Variants in SNX30 observed in about 807,000 individuals in gnomAD.
The protein encoded by SNX30 is sorting nexin-30.
Under a neutral mutation model 46.4 loss-of-function variants are expected in SNX30, and 24 were observed. The observed-to-expected ratio is 0.52, with a 90% CI of 0.37 to 0.73. The LOEUF (loss-of-function observed/expected upper bound fraction) is 0.73, where lower values mean the gene tolerates loss of function less well. SNX30 is among the 30% of genes least tolerant of loss of function. The probability of loss-of-function intolerance (pLI) is 0.00; values close to 1 mark genes in which losing one functional copy is unlikely to be tolerated. For synonymous variants in SNX30, 189 were observed against 211.5 expected (o/e 0.89, Z 0.92); for missense variants, 533 against 555.7 (o/e 0.96, Z 0.41).
chr9:112,849,348 T>TAAC (rs1477051692), intron 6 of SNX30, among the ~76,000 whole-genome samples: 2 of 152,238 alleles, frequency 1.3e-5, no homozygotes, highest in African/African-American at 4.8e-5. Flanking sequence ...TTCAAATGAG[T>TAAC]AACATTGAAT....
chr9:112,797,602 T>A (rs1840127030), intron 1 of SNX30, among the ~76,000 whole-genome samples: 1 of 152,068 alleles, frequency 6.6e-6, no homozygotes, highest in Non-Finnish European at 1.5e-5. Context: ...TCCCTAAATA[T>A]CTCAAAATCT....
chr9:112,865,486 C>T (rs868442258), intron 8 of SNX30, among the ~76,000 whole-genome samples: 2 of 151,420 alleles, frequency 1.3e-5, no homozygotes, highest in African/African-American at 4.9e-5. Flanking sequence ...GGTGTGGTGG[C>T]GTGTGCCTAT....
chr9:112,857,361 T>A (rs1841150709), intron 7 of SNX30, among the ~76,000 whole-genome samples: 1 of 152,230 alleles, frequency 6.6e-6, no homozygotes, highest in South Asian at 2.1e-4. Context: ...AGTGTTTTCT[T>A]ACCTGTTTTC....
intron 1 of SNX30, among the ~76,000 whole-genome samples, chr9:112,779,484 G>A (rs1588113517): frequency 6.6e-6 from 1 of 152,116 alleles, no homozygotes; most frequent in African/African-American, 2.4e-5. Context: ...ATCACTTGAG[G>A]TCAGGAGTTT....
At chr9:112,835,018 G>A (rs576629375) in intron 4 of SNX30, among the ~76,000 whole-genome samples, 37 of 152,152 alleles carry the variant, frequency 2.4e-4, no homozygotes, top group East Asian at 5.8e-4. Context: ...CATCAAATGC[G>A]GAGGGGCTGT....
chr9:112,776,406 G>T (rs1435359095), intron 1 of SNX30, among the ~76,000 whole-genome samples: 1 of 152,130 alleles, frequency 6.6e-6, no homozygotes, highest in Non-Finnish European at 1.5e-5. Flanking sequence ...TTTGTTTAGT[G>T]TTCCCATGTT....
intron 2 of SNX30, among the ~76,000 whole-genome samples, chr9:112,814,990 T>A (rs1284759257): frequency 6.6e-6 from 1 of 152,212 alleles, no homozygotes; most frequent in Non-Finnish European, 1.5e-5. Context: ...CAGAAAGATG[T>A]CCAAGATGTG....
chr9:112,857,073 C>T (rs1689444883), intron 7 of SNX30, among the ~76,000 whole-genome samples: 1 of 152,208 alleles, frequency 6.6e-6, no homozygotes, highest in African/African-American at 2.4e-5. Context: ...GCTGTGCTCC[C>T]TGAGGGGGCG....
intron 1 of SNX30, among the ~76,000 whole-genome samples, chr9:112,794,692 T>C (rs1840081873): frequency 6.6e-6 from 1 of 152,234 alleles, no homozygotes; most frequent in Admixed American, 6.5e-5. Context: ...TATTGGCTCC[T>C]AGTCTATACC....
intron 7 of SNX30, among the ~76,000 whole-genome samples, chr9:112,853,674 C>T (rs577642051): frequency 4.6e-5 from 7 of 152,244 alleles, no homozygotes; most frequent in South Asian, 4.1e-4. Flanking sequence ...AAGTTGAAGT[C>T]ATAGAAACAG....
chr9:112,849,812 G>A (rs757850471), intron 6 of SNX30, among the ~76,000 whole-genome samples: 10 of 152,190 alleles, frequency 6.6e-5, no homozygotes, highest in Non-Finnish European at 1.3e-4. Context: ...CTGCTGGAAG[G>A]TCCCCTGTGG....
At chr9:112,777,273 G>T (rs1204307177) in intron 1 of SNX30, among the ~76,000 whole-genome samples, 5 of 151,930 alleles carry the variant, frequency 3.3e-5, no homozygotes, top group African/African-American at 1.2e-4. Flanking sequence ...TTGGAACTTG[G>T]AGTGACACAA....
chr9:112,836,576 A>C (rs533769634), intron 5 of SNX30, among the ~76,000 whole-genome samples, 167 bp downstream of exon 5: 1 of 152,302 alleles, frequency 6.6e-6, no homozygotes, highest in South Asian at 2.1e-4. Context: ...TGTGACTGGA[A>C]TGTCACTTTG....
At chr9:112,777,266 G>A (rs1319428718) in intron 1 of SNX30, among the ~76,000 whole-genome samples, 1 of 151,830 alleles carries the variant, frequency 6.6e-6, no homozygotes, top group African/African-American at 2.4e-5. Context: ...CATTCCCTTG[G>A]AACTTGGAGT....
At chr9:112,805,111 A>G (rs980592173) in intron 2 of SNX30, 144 bp downstream of exon 2, 4 of 484,182 alleles carry the variant, frequency 8.3e-6, no homozygotes, top group African/African-American at 5.9e-5. Flanking sequence ...TCTTGAGAGA[A>G]TAGATGTAAT....
chr9:112,850,930 G>C lies in SNX30; in HGVS notation c.1086G>C (p.Lys362Asn). ...EAKLEAVALR[K>N]EDRPKVPADV... ...AACTGGAAGCTGTGGCTCTGCGGAA[G>C]GAAGACCGCCCCAAGGTCAGGGAAG... Residue 362 changes from lysine (K) to asparagine (N), a missense_variant, in exon 7 of 9, where the codon AAG becomes AAC. By Grantham distance (94) the Lys-to-Asn change is moderately conservative (BLOSUM62 0). Around this residue, in one of 3 missense-constraint regions of SNX30, gnomAD observed 261 missense variants for 270.9 expected, o/e 0.96. Coordinates refer to ENST00000374232, the MANE Select transcript of SNX30 (RefSeq NM_001012994.2). The C allele has an allele frequency of 6.2e-7, 1 of 1,614,068 alleles. No homozygotes were observed. The highest frequency in any genetic ancestry group is 8.5e-7 in the Non-Finnish European group (1 of 1,179,990).
At chr9:112,754,179 G>A (rs1389916752) in intron 1 of SNX30, among the ~76,000 whole-genome samples, 2 of 152,176 alleles carry the variant, frequency 1.3e-5, no homozygotes, top group Non-Finnish European at 2.9e-5. Flanking sequence ...AAGATGGTGC[G>A]ATGAACAGGG....
intron 4 of SNX30, among the ~76,000 whole-genome samples, chr9:112,832,483 T>TGAGAGA (rs1840678475): frequency 1.2e-5 from 1 of 81,768 alleles, no homozygotes; most frequent in African/African-American, 4.3e-5. Flanking sequence ...TGTGTGTGTG[T>TGAGAGA]GTGTGTGTGT....
chr9:112,874,464 GACATGTCC>G lies in SNX30; in HGVS notation c.*5626_*5633del, dbSNP rs1439958976. 1 of 152,174 alleles carries G rather than the reference GACATGTCC, an allele frequency of 6.6e-6. No individual in the cohort carries two copies. Among genetic ancestry groups the G allele is most frequent in the African/African-American group, 2.4e-5 (1 of 41,436 alleles). The allele number at this position is 152,174 out of a possible 1,614,324, so 9.4% of individuals were successfully genotyped here. A position where few individuals can be genotyped will look rare whatever the true frequency, so the allele number is the denominator to read the frequency against. Reference sequence around the variant, plus strand: ...GAAGAGATTAAAAACTTCGGCTTTGGACATGTCCACATTATGGACTGTCATCTTATTTT... The same window carrying G: ...GAAGAGATTAAAAACTTCGGCTTTGGACATTATGGACTGTCATCTTATTTT... On this transcript the variant is annotated 3_prime_UTR_variant, in exon 9 of 9. Transcript: ENST00000374232.
Sources: allele counts gnomAD v4.1 joint callset (sites outside exome capture counted in the v4.1 genomes callset), GRCh38; gene constraint gnomAD v4.1.1; regional missense constraint gnomAD v4.1.1; transcripts MANE v1.5; gene names NCBI Gene and HGNC (gene_info 2026-07-23, HGNC 2026-07-21).